Variants in PTPN13 observed in about 807,000 individuals in gnomAD.
PTPN13 encodes protein tyrosine phosphatase non-receptor type 13.
In PTPN13, 191 loss-of-function variants were observed where a neutral mutation model predicts 284.0. That is an observed-to-expected ratio of 0.67 (90% confidence interval 0.60 to 0.76). The LOEUF is 0.76. Ranked by LOEUF, PTPN13 falls within the 30% of genes least tolerant of loss-of-function variation. PTPN13 has a pLI of 0.00. For synonymous variants in PTPN13, 986 were observed against 1,022.3 expected, an observed-to-expected ratio of 0.96 and a Z score of 0.68; for missense variants, 2,797 against 2,939.9, an observed-to-expected ratio of 0.95 and a Z score of 1.12.
At chr4:86,657,530 G>C (rs1344140850) in intron 2 of PTPN13, among the ~76,000 whole-genome samples, 1 of 152,190 alleles carries the variant, frequency 6.6e-6, no homozygotes, top group African/African-American at 2.4e-5. Flanking sequence ...AGTTGAGGGA[G>C]AGGTGACACA....
rs779782414 is a variant in PTPN13 at position 86,785,239 on chromosome 4, A to G, written c.6127A>G (p.Ile2043Val). 6.5e-7 allele frequency: 1 copy of G among 1,539,968 alleles called. No individual in the cohort carries two copies. The highest frequency in any genetic ancestry group is 2.3e-5 in the East Asian group (1 of 43,560). ...PNLTLPKESY[I>V]QEDDIYDDSQ... ...AATTATTATTTTTCAAGAATCTTATATACAAGAAGATGACATTTATGATGA... is the reference window on the plus strand; with the variant it reads ...AATTATTATTTTTCAAGAATCTTATGTACAAGAAGATGACATTTATGATGA... The change falls in exon 39 of 48, where the codon ATA becomes GTA. Residue 2043 changes from isoleucine to valine, a missense_variant. Physicochemically the swap from Ile to Val is conservative, Grantham distance 29. Coordinates refer to ENST00000411767, the MANE Select transcript of PTPN13 (RefSeq NM_080683.3).
chr4:86,631,962 T>C (rs1486983939), intron 1 of PTPN13, among the ~76,000 whole-genome samples: 1 of 152,180 alleles, frequency 6.6e-6, no homozygotes, highest in Non-Finnish European at 1.5e-5. Flanking sequence ...TGTGTATGTA[T>C]GTATAAAGCC....
chr4:86,694,483 G>A (rs751987579), intron 6 of PTPN13, among the ~76,000 whole-genome samples: 21 of 146,972 alleles, frequency 1.4e-4, no homozygotes, highest in Admixed American at 4.2e-4. Flanking sequence ...GGGAGGCTGA[G>A]ACAGGAGAAT....
chr4:86,754,225 C>T (rs930142499), intron 20 of PTPN13, among the ~76,000 whole-genome samples: 1 of 151,952 alleles, frequency 6.6e-6, no homozygotes, highest in Admixed American at 6.6e-5. Flanking sequence ...ATATGAGGGC[C>T]TATCATTAAA....
chr4:86,667,224 A>T (rs1727188172), intron 2 of PTPN13, among the ~76,000 whole-genome samples: 2 of 152,354 alleles, frequency 1.3e-5, no homozygotes, highest in South Asian at 4.1e-4. Context: ...CCAAAAGTTC[A>T]TAGGAGTTTA....
In PTPN13 at chr4:86,693,071, T is replaced by TAAAAAA. The variant is rs34543988; in HGVS notation, c.547-499_547-494dup. ...TGACAGAGTGAGACTCCGTTATATT[T>TAAAAAA]AAAAAAAAAAAAAAAAAAAAAAGAC... On this transcript the variant is annotated intron_variant, in intron 5 of 47. Coordinates refer to ENST00000411767, the MANE Select transcript of PTPN13 (RefSeq NM_080683.3). 2.8e-4 allele frequency among the ~76,000 whole-genome samples: 31 copies of TAAAAAA among 112,294 alleles called. 1 individual carries two copies. Among genetic ancestry groups the TAAAAAA allele is most frequent in the African/African-American group, 9.0e-4 (27 of 30,104 alleles). The allele number at this position is 112,294 out of a possible 152,430, so 73.7% of individuals were successfully genotyped here. A position where few individuals can be genotyped will look rare whatever the true frequency, so the allele number is the denominator to read the frequency against.
chr4:86,665,599 TAATA>T (rs1377559986), intron 2 of PTPN13, among the ~76,000 whole-genome samples: 1 of 152,182 alleles, frequency 6.6e-6, no homozygotes, highest in African/African-American at 2.4e-5. Flanking sequence ...ATGTAATAAG[TAATA>T]AATAGACTAC....
At chr4:86,764,525 TAAAA>T in intron 24 of PTPN13, 64 bp from the exon 25 acceptor site, 2 of 1,252,352 alleles carry the variant, frequency 1.6e-6, no homozygotes, top group African/African-American at 3.1e-5. Context: ...AAAAAGAAAT[TAAAA>T]AAAGAAAAAT....
chr4:86,698,051 T>C (rs559378858), intron 6 of PTPN13, among the ~76,000 whole-genome samples: 3 of 152,314 alleles, frequency 2.0e-5, no homozygotes, highest in African/African-American at 7.2e-5. Context: ...AAGCTATGCA[T>C]TCTCCAGAAG....
Position 86,814,680 on chromosome 4 carries a change from G to T in PTPN13, c.*129G>T. The T allele has an allele frequency of 1.6e-6, 1 of 616,692 alleles. No homozygotes were observed. The allele number at this position is 616,692 out of a possible 1,614,324, so 38.2% of individuals were successfully genotyped here. A position where few individuals can be genotyped will look rare whatever the true frequency, so the allele number is the denominator to read the frequency against. ...CATGCATGTTCTCCTCTATCTTAGA[G>T]GGGTATTCTTCTTGAAAATAAAAAA... On this transcript the variant is annotated 3_prime_UTR_variant, in exon 48 of 48. Transcript: ENST00000411767.
intron 2 of PTPN13, among the ~76,000 whole-genome samples, chr4:86,648,751 G>A (rs1370164688): frequency 6.6e-6 from 1 of 152,084 alleles, no homozygotes; most frequent in Non-Finnish European, 1.5e-5. Context: ...ACCTAGCAGT[G>A]GGATTGCTGA....
At chr4:86,754,254 A>T (rs1363358534) in intron 20 of PTPN13, among the ~76,000 whole-genome samples, 1 of 152,082 alleles carries the variant, frequency 6.6e-6, no homozygotes, top group African/African-American at 2.4e-5. Flanking sequence ...TATTGAACTT[A>T]TACTTGGACG....
intron 40 of PTPN13, among the ~76,000 whole-genome samples, chr4:86,796,147 A>T (rs1156525416): frequency 6.6e-6 from 1 of 152,188 alleles, no homozygotes; most frequent in Non-Finnish European, 1.5e-5. Flanking sequence ...TGAGTTGACT[A>T]ATCTTTAATG....
At chr4:86,806,369 G>C (rs1378322987) in intron 44 of PTPN13, among the ~76,000 whole-genome samples, 2 of 151,708 alleles carry the variant, frequency 1.3e-5, no homozygotes, top group African/African-American at 4.8e-5. Context: ...TCTTTACCAA[G>C]AAACCATAAA....
intron 1 of PTPN13, among the ~76,000 whole-genome samples, chr4:86,608,273 A>C (rs771173906): frequency 4.6e-5 from 7 of 152,090 alleles, no homozygotes; most frequent in Non-Finnish European, 7.4e-5. Flanking sequence ...AGAATTCACT[A>C]TGTATAGAAT....
At chr4:86,609,001 C>T (rs1305321609) in intron 1 of PTPN13, among the ~76,000 whole-genome samples, 4 of 151,328 alleles carry the variant, frequency 2.6e-5, no homozygotes, top group African/African-American at 7.4e-5. Flanking sequence ...TAAAAAGTGT[C>T]TGAGGAGAAC....
chr4:86,631,373 A>G (rs75370258), intron 1 of PTPN13, among the ~76,000 whole-genome samples: 2 of 152,126 alleles, frequency 1.3e-5, no homozygotes, highest in Non-Finnish European at 1.5e-5. Context: ...TATAACAGTA[A>G]AATAAACATG....
intron 2 of PTPN13, among the ~76,000 whole-genome samples, chr4:86,657,891 C>G (rs1211315958): frequency 1.3e-5 from 2 of 152,170 alleles, no homozygotes; most frequent in South Asian, 2.1e-4. Context: ...GATGTCTCCC[C>G]AAGAGCTGCA....
chr4:86,769,841 T>G lies in PTPN13; in HGVS notation c.4562T>G (p.Leu1521Arg). 2 of 1,613,798 alleles carry G rather than the reference T, an allele frequency of 1.2e-6. No individual in the cohort carries two copies. The highest frequency in any genetic ancestry group is 1.7e-6 in the Non-Finnish European group (2 of 1,179,724). The change falls in exon 29 of 48, where the codon CTT (leucine) becomes CGT (arginine). Residue 1521 changes from leucine (L) to arginine (R), a missense_variant. Leu to Arg is a moderately radical substitution (Grantham distance 102). Transcript: ENST00000411767. ...LGFSFSREDN[L>R]IPEQINASIV... ...TTCAGTTTTTCTCGAGAAGATAATC[T>G]TATACCGGAGCAAATTAATGCCAGC...
Sources: gnomAD v4.1 joint callset for allele counts (sites outside exome capture counted in the v4.1 genomes callset) on GRCh38, gnomAD v4.1.1 for gene constraint, MANE v1.5 for transcripts, NCBI Gene and HGNC (gene_info 2026-07-23, HGNC 2026-07-21) for gene names.